The following LRP1B variants were observed in gnomAD, a reference collection of about 807,000 sequenced individuals.
The protein encoded by LRP1B is LDL receptor related protein 1B.
LRP1B carries 217 observed loss-of-function variants against 556.6 expected under a neutral mutation model. That is an observed-to-expected ratio of 0.39 (90% CI 0.35 to 0.44). The LOEUF (loss-of-function observed/expected upper bound fraction) is 0.44. LRP1B is among the 20% of genes least tolerant of loss of function. LRP1B has a pLI of 1.00. For synonymous variants in LRP1B, 2,047 were observed against 1,865.8 expected, an observed-to-expected ratio of 1.10 and a Z score of -2.50; for missense variants, 5,053 against 5,620.8, an observed-to-expected ratio of 0.90 and a Z score of 3.23.
chr2:141,491,856 A>C (rs1683346885), intron 2 of LRP1B, among the ~76,000 whole-genome samples: 1 of 152,060 alleles, frequency 6.6e-6, no homozygotes. Flanking sequence ...GATACCTGTA[A>C]AAGAAAGAGG....
At chr2:142,127,343 G>A (rs1046276540) in intron 1 of LRP1B, among the ~76,000 whole-genome samples, 22 of 151,220 alleles carry the variant, frequency 1.5e-4, no homozygotes, top group Admixed American at 1.4e-3. Context: ...AAGAAATACT[G>A]ATTCAGATTC....
chr2:141,854,133 A>G (rs1251649672), intron 1 of LRP1B, among the ~76,000 whole-genome samples: 2 of 151,998 alleles, frequency 1.3e-5, no homozygotes, highest in Admixed American at 1.3e-4. Context: ...ATTCATGTAA[A>G]CCCTTTCATG....
At chr2:141,883,925 A>G (rs1316097158) in intron 1 of LRP1B, among the ~76,000 whole-genome samples, 1 of 152,216 alleles carries the variant, frequency 6.6e-6, no homozygotes, top group Non-Finnish European at 1.5e-5. Flanking sequence ...TTTTTATCTT[A>G]TGTATATGAA....
intron 1 of LRP1B, among the ~76,000 whole-genome samples, chr2:141,830,101 T>C (rs1184349389): frequency 1.3e-5 from 2 of 151,984 alleles, no homozygotes; most frequent in African/African-American, 4.8e-5. Context: ...ATTTTACTTA[T>C]ATCTCATTCA....
At chr2:140,467,239 C>G (rs1212298526) in intron 60 of LRP1B, among the ~76,000 whole-genome samples, 2 of 152,090 alleles carry the variant, frequency 1.3e-5, no homozygotes, top group African/African-American at 2.4e-5. Context: ...AACTATCCCA[C>G]TAAATCATGG....
chr2:140,879,378 G>T (rs1693404303), intron 25 of LRP1B, among the ~76,000 whole-genome samples: 1 of 152,086 alleles, frequency 6.6e-6, no homozygotes, highest in African/African-American at 2.4e-5. Flanking sequence ...TAAAATAAGT[G>T]ATCCCTTCAT....
intron 1 of LRP1B, among the ~76,000 whole-genome samples, chr2:141,934,568 T>A (rs1252691787): frequency 6.6e-6 from 1 of 152,088 alleles, no homozygotes; most frequent in Non-Finnish European, 1.5e-5. Context: ...TTTGGTTGTG[T>A]CCCCACCCAA....
At chr2:140,259,533 TAATG>T (rs1445253739) in intron 86 of LRP1B, among the ~76,000 whole-genome samples, 1 of 152,040 alleles carries the variant, frequency 6.6e-6, no homozygotes, top group African/African-American at 2.4e-5. Context: ...GAAAATTTAT[TAATG>T]AAGGAAGATG....
At position 140,565,966 on chromosome 2, in the gene LRP1B, T is replaced by A. The variant is rs73961431; in HGVS notation, c.7195-23995A>T. Among the ~76,000 whole-genome samples, 725 of 152,276 alleles carry A rather than the reference T, an allele frequency of 4.8e-3. 10 individuals are homozygous for A. The highest frequency in any genetic ancestry group is 0.016 in the African/African-American group (684 of 41,552). ...AGGCACGAAGCCCAGCTGAAGGAGC[T>A]GCCTGGAGTCCACACGGCTATGCTT... On this transcript the variant is annotated intron_variant, in intron 43 of 90. Coordinates refer to ENST00000389484, the MANE Select transcript of LRP1B (RefSeq NM_018557.3).
intron 2 of LRP1B, among the ~76,000 whole-genome samples, chr2:141,644,777 A>G (rs2105369915): frequency 1.4e-5 from 2 of 145,734 alleles, no homozygotes; most frequent in Non-Finnish European, 1.5e-5. Context: ...ACACATGCAC[A>G]CACACACAAC....
chr2:140,599,802 A>G lies in LRP1B; in HGVS notation c.6990-967T>C, dbSNP rs116309702. The stretch of plus-strand genomic sequence containing the variant: ...CATTTCCCCCCTTCATTTCACAGGT[A>G]AGAAAACAGAACGGCCCAGAGAGCT... On this transcript the variant is annotated intron_variant, in intron 42 of 90. Coordinates refer to ENST00000389484, the MANE Select transcript of LRP1B (RefSeq NM_018557.3). Among the ~76,000 whole-genome samples the G allele has an allele frequency of 8.6e-3, 1,302 of 152,226 alleles. 12 individuals carry two copies. The highest frequency in any genetic ancestry group is 0.029 in the Admixed American group (445 of 15,270).
chr2:141,972,556 A>G lies in LRP1B; in HGVS notation c.82+158092T>C, dbSNP rs17770473. Among the ~76,000 whole-genome samples the G allele has an allele frequency of 5.4e-3, 804 of 149,376 alleles. 14 individuals carry two copies. The highest frequency in any genetic ancestry group is 0.04 in the East Asian group (202 of 5,048). On this transcript the variant is annotated intron_variant, in intron 1 of 90. Coordinates refer to ENST00000389484, the MANE Select transcript of LRP1B (RefSeq NM_018557.3). ...TTTTCAAAATTAGGCAACGATGACTAACTAAATCCACAAACATGTGAATGC... is the reference window on the plus strand; with the variant it reads ...TTTTCAAAATTAGGCAACGATGACTGACTAAATCCACAAACATGTGAATGC...
At chr2:141,304,474 CATT>C (rs1431749722) in intron 3 of LRP1B, among the ~76,000 whole-genome samples, 2 of 105,840 alleles carry the variant, frequency 1.9e-5, no homozygotes, top group Non-Finnish European at 3.6e-5. Flanking sequence ...CAGTTTCATT[CATT>C]TTTTTTTTTT....
intron 2 of LRP1B, among the ~76,000 whole-genome samples, chr2:141,639,343 T>TAC (rs1387785338): frequency 2.9e-3 from 186 of 63,478 alleles, no homozygotes; most frequent in East Asian, 7.7e-3. Flanking sequence ...TATATATATA[T>TAC]ATATATACAC....
chr2:140,429,103 A>G (rs966795049), intron 66 of LRP1B, among the ~76,000 whole-genome samples: 4 of 151,718 alleles, frequency 2.6e-5, no homozygotes, highest in Non-Finnish European at 5.9e-5. Flanking sequence ...AAACCTAATC[A>G]CCCTTACCCT....
chr2:140,451,334 G>A (rs1686877954), intron 62 of LRP1B, among the ~76,000 whole-genome samples: 2 of 152,146 alleles, frequency 1.3e-5, no homozygotes, highest in Non-Finnish European at 2.9e-5. Context: ...TTACTATCTG[G>A]CCCTTTACAG....
chr2:141,344,474 C>T (rs563767846), intron 3 of LRP1B, among the ~76,000 whole-genome samples: 4 of 152,178 alleles, frequency 2.6e-5, no homozygotes, highest in Admixed American at 2.0e-4. Flanking sequence ...ATGTTCTTTC[C>T]CTAGATAATC....
At chr2:140,956,524 A>T (rs1209479131) in intron 18 of LRP1B, among the ~76,000 whole-genome samples, 1 of 151,768 alleles carries the variant, frequency 6.6e-6, no homozygotes, top group Admixed American at 6.6e-5. Flanking sequence ...AAGATTACAC[A>T]TTCACTAGAT....
chr2:141,796,578 C>CTTTTTTTTTT (rs75317117), intron 2 of LRP1B, among the ~76,000 whole-genome samples: 8 of 127,570 alleles, frequency 6.3e-5, no homozygotes, highest in African/African-American at 8.6e-5. Flanking sequence ...GCATTTTATT[C>CTTTTTTTTTT]TTTTTTTTTT....
Sources: gnomAD v4.1 joint callset for allele counts (sites outside exome capture counted in the v4.1 genomes callset) on GRCh38, gnomAD v4.1.1 for gene constraint, MANE v1.5 for transcripts, NCBI Gene and HGNC (gene_info 2026-07-23, HGNC 2026-07-21) for gene names.